Variants in CSMD3 observed in about 807,000 individuals in gnomAD.
The protein encoded by CSMD3 is CUB and sushi domain-containing protein 3.
Under a neutral mutation model 435.2 loss-of-function variants are expected in CSMD3, and 177 were observed. The observed-to-expected ratio is 0.41, with a 90% confidence interval of 0.36 to 0.46. The LOEUF (loss-of-function observed/expected upper bound fraction) is 0.46, where lower values mean the gene tolerates loss of function less well. Ranked by LOEUF, CSMD3 falls within the 20% of genes least tolerant of loss-of-function variation. The probability of loss-of-function intolerance (pLI) is 0.34; values close to 1 mark genes in which losing one functional copy is unlikely to be tolerated. For synonymous variants in CSMD3, 1,656 were observed against 1,520.5 expected, an observed-to-expected ratio of 1.09 and a Z score of -2.07; for missense variants, 4,265 against 4,504.6, an observed-to-expected ratio of 0.95 and a Z score of 1.52.
intron 64 of CSMD3, 42 bp from the exon 65 acceptor site, chr8:112,244,615 T>C (rs751248842): frequency 3.2e-6 from 5 of 1,566,872 alleles, no homozygotes; most frequent in Non-Finnish European, 4.4e-6. Flanking sequence ...TCTATAGATA[T>C]GTTAAGAAAA....
intron 13 of CSMD3, among the ~76,000 whole-genome samples, chr8:112,773,015 C>T (rs971918862): frequency 6.6e-6 from 1 of 151,994 alleles, no homozygotes; most frequent in African/African-American, 2.4e-5. Context: ...AGGTCCTCCA[C>T]ATGCTGAGTC....
intron 10 of CSMD3, among the ~76,000 whole-genome samples, chr8:112,865,044 G>A (rs569598546): frequency 2.0e-5 from 3 of 152,234 alleles, no homozygotes; most frequent in South Asian, 4.2e-4. Flanking sequence ...TGCTAACATC[G>A]ATAGAAGTAC....
chr8:112,457,662 T>G (rs1816974853), intron 32 of CSMD3, among the ~76,000 whole-genome samples: 1 of 152,010 alleles, frequency 6.6e-6, no homozygotes, highest in East Asian at 1.9e-4. Context: ...AGGGAATAGG[T>G]GAAGAGGAAC....
chr8:112,782,137 A>G (rs1241490869), intron 13 of CSMD3, among the ~76,000 whole-genome samples: 3 of 152,258 alleles, frequency 2.0e-5, no homozygotes, highest in African/African-American at 2.4e-5. Context: ...AAGATATTCA[A>G]ACAAAGAATT....
chr8:113,226,159 G>A (rs758527733), intron 3 of CSMD3, among the ~76,000 whole-genome samples: 13 of 151,424 alleles, frequency 8.6e-5, no homozygotes, highest in Admixed American at 1.3e-4. Context: ...GCAGTTCTTC[G>A]TAGCAGCGGT....
intron 10 of CSMD3, among the ~76,000 whole-genome samples, chr8:112,887,536 A>T (rs1162387183): frequency 6.6e-6 from 1 of 151,518 alleles, no homozygotes; most frequent in African/African-American, 2.4e-5. Context: ...TCTTATTAAC[A>T]TGTCATTTTT....
intron 3 of CSMD3, among the ~76,000 whole-genome samples, chr8:113,229,566 C>T (rs2093062709): frequency 6.6e-6 from 1 of 151,228 alleles, no homozygotes. Context: ...GGGCATATTG[C>T]CAAAGAGTAA....
At position 113,067,895 on chromosome 8, in the gene CSMD3, C is replaced by T. The variant is rs73334012; in HGVS notation, c.917+30861G>A. Among the ~76,000 whole-genome samples the T allele has an allele frequency of 3.6e-3, 543 of 152,162 alleles. 3 individuals carry two copies. The highest frequency in any genetic ancestry group is 0.012 in the African/African-American group (507 of 41,522). ...CTCTCCCATAGCATTATCCTAAAATCACCAGGGCAACATTCTGCTTCAGTG... is the reference window on the plus strand; with the variant it reads ...CTCTCCCATAGCATTATCCTAAAATTACCAGGGCAACATTCTGCTTCAGTG... On this transcript the variant is annotated intron_variant, in intron 5 of 70. Coordinates refer to ENST00000297405, the MANE Select transcript of CSMD3 (RefSeq NM_198123.2).
intron 3 of CSMD3, among the ~76,000 whole-genome samples, chr8:113,193,254 G>A (rs779002063): frequency 3.3e-5 from 5 of 151,176 alleles, no homozygotes; most frequent in Non-Finnish European, 7.4e-5. Context: ...CACATTCAGA[G>A]ACAAGACCTC....
intron 3 of CSMD3, among the ~76,000 whole-genome samples, chr8:113,245,939 T>C (rs981464054): frequency 6.6e-6 from 1 of 152,024 alleles, no homozygotes; most frequent in African/African-American, 2.4e-5. Context: ...GGAAATGGCA[T>C]ACCACCACTT....
chr8:113,019,673 G>A (rs1430037390), intron 5 of CSMD3, among the ~76,000 whole-genome samples: 2 of 80,694 alleles, frequency 2.5e-5, no homozygotes, highest in Non-Finnish European at 4.2e-5. Flanking sequence ...TTACAAAATC[G>A]AAAGACCTCA....
At chr8:113,267,530 G>A (rs1477681442) in intron 3 of CSMD3, among the ~76,000 whole-genome samples, 1 of 151,532 alleles carries the variant, frequency 6.6e-6, no homozygotes, top group Non-Finnish European at 1.5e-5. Context: ...CTTATATGTG[G>A]GATCTAAGAT....
At chr8:112,625,603 G>T (rs1464852369) in intron 22 of CSMD3, among the ~76,000 whole-genome samples, 1 of 152,116 alleles carries the variant, frequency 6.6e-6, no homozygotes, top group Non-Finnish European at 1.5e-5. Flanking sequence ...TACACTGTTT[G>T]TCGACTGATT....
chr8:112,635,952 T>C (rs2131576847), intron 22 of CSMD3, among the ~76,000 whole-genome samples: 1 of 152,286 alleles, frequency 6.6e-6, no homozygotes, highest in East Asian at 1.9e-4. Context: ...CAATTAGATT[T>C]ATAATTAATC....
At chr8:112,592,403 C>T (rs1190688425) in intron 22 of CSMD3, among the ~76,000 whole-genome samples, 1 of 151,768 alleles carries the variant, frequency 6.6e-6, no homozygotes, top group Non-Finnish European at 1.5e-5. Context: ...ATGTATGTAT[C>T]CAAGGGCAAA....
At chr8:112,536,311 C>G (rs1826074428) in intron 27 of CSMD3, among the ~76,000 whole-genome samples, 1 of 151,952 alleles carries the variant, frequency 6.6e-6, no homozygotes, top group South Asian at 2.1e-4. Context: ...ACAATGAACT[C>G]AAACAAATTT....
chr8:112,694,408 A>C (rs2076207895), intron 13 of CSMD3, among the ~76,000 whole-genome samples: 1 of 152,152 alleles, frequency 6.6e-6, no homozygotes, highest in African/African-American at 2.4e-5. Flanking sequence ...AAACAATTGT[A>C]AATGTTCTCT....
chr8:113,156,639 G>A (rs908326941), intron 4 of CSMD3, among the ~76,000 whole-genome samples: 8 of 151,690 alleles, frequency 5.3e-5, no homozygotes, highest in African/African-American at 1.2e-4. Context: ...AGTGGTTCAC[G>A]TCTGCAATCC....
intron 1 of CSMD3, among the ~76,000 whole-genome samples, chr8:113,351,195 T>A (rs1451000886): frequency 6.6e-6 from 1 of 152,100 alleles, no homozygotes; most frequent in Non-Finnish European, 1.5e-5. Context: ...GATAAGTGGA[T>A]AAATGATAGA....
Sources: allele counts gnomAD v4.1 joint callset (sites outside exome capture counted in the v4.1 genomes callset), GRCh38; gene constraint gnomAD v4.1.1; transcripts MANE v1.5; gene names NCBI Gene and HGNC (gene_info 2026-07-23, HGNC 2026-07-21).